Variants in PACRGL observed in about 807,000 individuals in gnomAD.
The protein encoded by PACRGL is parkin coregulated like, also known as PACRG-like protein.
Under a neutral mutation model 34.5 loss-of-function variants are expected in PACRGL, and 38 were observed. The ratio of observed to expected loss-of-function variants is 1.10; its 90% CI spans 0.85 to 1.44. PACRGL has a LOEUF of 1.44. Ranked by LOEUF, PACRGL falls within the 40% of genes most tolerant of loss-of-function variation. PACRGL has a pLI of 0.00. For synonymous variants in PACRGL, 128 were observed against 100.1 expected (o/e 1.28, Z -1.66); for missense variants, 305 against 281.4 (o/e 1.08, Z -0.60).
Position 20,730,842 on chromosome 4 carries a change from T to G in PACRGL, c.*3501T>G, listed in dbSNP as rs1042779490. Among the ~76,000 whole-genome samples, 3 of 152,112 alleles carry G rather than the reference T, an allele frequency of 2.0e-5. No homozygotes were observed. The highest frequency in any genetic ancestry group is 7.2e-5 in the African/African-American group (3 of 41,414). ...CATGTGAATAGCACTTACTGAGCTG[T>G]TTATGGTAGTGGTAAATGGTGGCTG... On this transcript the variant is annotated 3_prime_UTR_variant, in exon 9 of 9. Coordinates refer to ENST00000503585, the MANE Select transcript of PACRGL (RefSeq NM_001258345.3).
At chr4:20,745,367 C>G (rs928452794) in intron 8 of PACRGL, among the ~76,000 whole-genome samples, 4 of 152,270 alleles carry the variant, frequency 2.6e-5, no homozygotes, top group Non-Finnish European at 4.4e-5. Flanking sequence ...GCACCTCTCT[C>G]TTTTTATCCT....
At chr4:20,764,990 T>C in the PACRGL span, among the ~76,000 whole-genome samples, 3 of 152,194 alleles carry the variant, frequency 2.0e-5, no homozygotes, top group African/African-American at 4.8e-5. Flanking sequence ...TATTTAGACA[T>C]GAGGACAATG....
upstream of PACRGL, among the ~76,000 whole-genome samples, chr4:20,697,417 C>A (rs916134640): frequency 6.6e-6 from 1 of 151,760 alleles, no homozygotes; most frequent in East Asian, 1.9e-4. Context: ...AGAACCAGCA[C>A]AATGAGAAAA....
chr4:20,758,921 C>A, the PACRGL span: 2 of 1,583,170 alleles, frequency 1.3e-6, no homozygotes, highest in Admixed American at 3.4e-5. Flanking sequence ...GCAATATGAG[C>A]AAAGTGTTCA....
At position 20,729,262 on chromosome 4, in the gene PACRGL, A is replaced by ATGTC. The variant is rs1747102372; in HGVS notation, c.*1925_*1928dup. ...GGATAGATATCCTGACCCTTTGCAT[A>ATGTC]TGTCTGTAAACATCCTTGTTTTGTT... On this transcript the variant is annotated 3_prime_UTR_variant, in exon 9 of 9. Coordinates refer to ENST00000503585, the MANE Select transcript of PACRGL (RefSeq NM_001258345.3). The ATGTC allele has an allele frequency of 6.6e-6, 1 of 152,494 alleles. No homozygotes were observed. Among genetic ancestry groups the ATGTC allele is most frequent in the African/African-American group, 2.4e-5 (1 of 41,432 alleles). The allele number at this position is 152,494 out of a possible 1,614,324, so 9.4% of individuals were successfully genotyped here.
chr4:20,725,352 T>TACACACACAC (rs10584716), intron 8 of PACRGL, among the ~76,000 whole-genome samples: 18 of 150,386 alleles, frequency 1.2e-4, no homozygotes, highest in African/African-American at 3.2e-4. Flanking sequence ...CCCATAGGTG[T>TACACACACAC]ACACACACAC....
intron 5 of PACRGL, among the ~76,000 whole-genome samples, chr4:20,712,120 T>C (rs1737540861): frequency 6.6e-6 from 1 of 152,084 alleles, no homozygotes. Flanking sequence ...CTTCTTTTTG[T>C]CTATAGTTTC....
downstream of PACRGL, among the ~76,000 whole-genome samples, chr4:20,736,845 CCAGT>C (rs943085328): frequency 6.6e-6 from 1 of 152,020 alleles, no homozygotes; most frequent in African/African-American, 2.4e-5. Context: ...CCTGAATAGC[CCAGT>C]CAATTTTAAG....
At chr4:20,699,977 A>T (rs1731547302), upstream of PACRGL, among the ~76,000 whole-genome samples, 1 of 152,218 alleles carries the variant, frequency 6.6e-6, no homozygotes, top group South Asian at 2.1e-4. Context: ...TTCCACAGCT[A>T]GGCTTATGAT....
Position 20,709,594 on chromosome 4 carries a change from T to C in PACRGL, c.276-89T>C, listed in dbSNP as rs1001212788. ...GTATTCCTACATGTTACAAAATAAA[T>C]CTGATATGGTTATACTGTATGTTAG... is the stretch of plus-strand genomic sequence containing the variant. On this transcript the variant is annotated intron_variant, in intron 4 of 8. Coordinates refer to ENST00000503585, the MANE Select transcript of PACRGL (RefSeq NM_001258345.3). The C allele has an allele frequency of 3.8e-6, 3 of 780,238 alleles. No homozygotes were observed. The African/African-American group carries it at 5.3e-5, about 14-fold the overall frequency. The allele number at this position is 780,238 out of a possible 1,614,324, so 48.3% of individuals were successfully genotyped here.
In PACRGL at chr4:20,729,375, A is replaced by AAATTAATTATT. The variant is rs145217467; in HGVS notation, c.*2039_*2040insATTATTAATTA. On this transcript the variant is annotated 3_prime_UTR_variant, in exon 9 of 9. Transcript: ENST00000503585. ...CTGTAAGAAAGATTGAACAAATCCA[A>AAATTAATTATT]AATTATTATATAGGCCTTGGCTGTA... is the stretch of plus-strand genomic sequence containing the variant. 7 of 152,490 alleles carry AAATTAATTATT rather than the reference A, an allele frequency of 4.6e-5. No homozygotes were observed. The highest frequency in any genetic ancestry group is 1.7e-4 in the African/African-American group (7 of 41,408). The allele number at this position is 152,490 out of a possible 1,614,324, so 9.4% of individuals were successfully genotyped here.
chr4:20,712,014 T>G (rs976385129), intron 5 of PACRGL, among the ~76,000 whole-genome samples: 55 of 152,190 alleles, frequency 3.6e-4, no homozygotes, highest in African/African-American at 1.3e-3. Flanking sequence ...TAGCCATGCA[T>G]TCATAAAGGA....
intron 7 of PACRGL, among the ~76,000 whole-genome samples, chr4:20,717,151 G>T (rs561235391): frequency 2.0e-5 from 3 of 152,014 alleles, no homozygotes; most frequent in African/African-American, 7.2e-5. Flanking sequence ...GTGTCTGTTC[G>T]TATCCTTCAC....
chr4:20,743,010 ATGTGAAGGACCCTTATAAGGG>A (rs199529463), intron 8 of PACRGL, among the ~76,000 whole-genome samples: 28,747 of 148,650 alleles, frequency 0.19, 3,073 homozygotes, highest in African/African-American at 0.3. Flanking sequence ...CTTATATGGG[ATGTGAAGGACCCTTATAAGGG>A]TGTGAAGGAC....
chr4:20,720,056 G>T (rs529132803), intron 7 of PACRGL, among the ~76,000 whole-genome samples: 4 of 152,278 alleles, frequency 2.6e-5, no homozygotes, highest in African/African-American at 9.6e-5. Context: ...AGCCCTTCTT[G>T]TTGAATTGAT....
chr4:20,749,695 A>G, intron 8 of PACRGL: 1 of 1,610,056 alleles, frequency 6.2e-7, no homozygotes, highest in Admixed American at 1.7e-5. Context: ...GGTCTGTATC[A>G]AATGCATTGA....
downstream of PACRGL, among the ~76,000 whole-genome samples, chr4:20,755,414 T>C (rs1335945353): frequency 6.6e-6 from 1 of 152,238 alleles, no homozygotes; most frequent in African/African-American, 2.4e-5. Context: ...ATTATTCCAC[T>C]GTACAGTGAT....
intron 5 of PACRGL, 104 bp from the exon 6 acceptor site, chr4:20,712,681 CAAT>C (rs1455148213): frequency 2.0e-6 from 2 of 1,008,358 alleles, no homozygotes; most frequent in Non-Finnish European, 2.7e-6. Context: ...ATTAGGAAAA[CAAT>C]AATGAAATTT....
chr4:20,743,989 G>C (rs1751811083), intron 8 of PACRGL, among the ~76,000 whole-genome samples: 2 of 151,806 alleles, frequency 1.3e-5, no homozygotes, highest in Non-Finnish European at 2.9e-5. Flanking sequence ...AGACATTTAT[G>C]CAGCCACCAG....
Sources: allele counts gnomAD v4.1 joint callset (sites outside exome capture counted in the v4.1 genomes callset), GRCh38; gene constraint gnomAD v4.1.1; transcripts MANE v1.5; gene names NCBI Gene and HGNC (gene_info 2026-07-23, HGNC 2026-07-21).